DNM3: variants seen among roughly 807,000 people sequenced by gnomAD.
DNM3 encodes dynamin 3.
Under a neutral mutation model 101.6 loss-of-function variants are expected in DNM3, and 47 were observed. That is an observed-to-expected ratio of 0.46 (90% CI 0.37 to 0.59). DNM3 has a LOEUF of 0.59. DNM3 is among the 20% of genes least tolerant of loss of function. The pLI is 0.00. For synonymous variants in DNM3, 385 were observed against 387.9 expected, an observed-to-expected ratio of 0.99 and a Z score of 0.09; for missense variants, 849 against 1,085.7, an observed-to-expected ratio of 0.78 and a Z score of 3.06.
chr1:172,412,150 T>A lies in DNM3; in HGVS notation c.*4309T>A. ...TTGTCTTAAGACCTGTTCATACTGG[T>A]ATATTGGTGAGACTTCTCACTTCTG... On this transcript the variant is annotated 3_prime_UTR_variant, in exon 21 of 21. Transcript: ENST00000627582. 2.0e-6 allele frequency: 2 copies of A among 985,804 alleles called. No individual in the cohort carries two copies. The highest frequency in any genetic ancestry group is 2.4e-6 in the Non-Finnish European group (2 of 829,882). 61.1% of individuals were successfully genotyped at this position (985,804 alleles called of 1,614,324 possible). A position where few individuals can be genotyped will look rare whatever the true frequency, so the allele number is the denominator to read the frequency against.
At chr1:172,222,112 G>A (rs898834631) in intron 14 of DNM3, among the ~76,000 whole-genome samples, 1 of 152,082 alleles carries the variant, frequency 6.6e-6, no homozygotes, top group Non-Finnish European at 1.5e-5. Flanking sequence ...TTGAGCAACA[G>A]GATCTTTGTT....
intron 1 of DNM3, among the ~76,000 whole-genome samples, chr1:171,886,440 A>C (rs982012661): frequency 5.3e-5 from 8 of 152,168 alleles, no homozygotes. Flanking sequence ...GGAAAGTTTG[A>C]GGCAAAGGGA....
At chr1:172,158,801 A>G (rs2058439934) in intron 14 of DNM3, among the ~76,000 whole-genome samples, 1 of 152,112 alleles carries the variant, frequency 6.6e-6, no homozygotes. Flanking sequence ...ATACTTAAAA[A>G]AAGTGTTTAC....
chr1:172,061,942 G>A (rs1243654932), intron 10 of DNM3, among the ~76,000 whole-genome samples: 1 of 152,182 alleles, frequency 6.6e-6, no homozygotes, highest in Non-Finnish European at 1.5e-5. Flanking sequence ...TGCTTTGCAT[G>A]TAATACATGT....
chr1:172,136,132 G>C (rs1410315920), intron 14 of DNM3, among the ~76,000 whole-genome samples: 1 of 152,074 alleles, frequency 6.6e-6, no homozygotes, highest in Non-Finnish European at 1.5e-5. Context: ...ACATTCTTTG[G>C]ACTCTTAAGA....
chr1:172,008,515 G>A (rs1409685042), intron 4 of DNM3, among the ~76,000 whole-genome samples: 3 of 150,772 alleles, frequency 2.0e-5, no homozygotes, highest in African/African-American at 7.3e-5. Flanking sequence ...TTGGCTGTGC[G>A]TGGATTTATT....
intron 14 of DNM3, among the ~76,000 whole-genome samples, chr1:172,193,877 C>T (rs780769286): frequency 6.6e-6 from 1 of 152,040 alleles, no homozygotes; most frequent in Admixed American, 6.6e-5. Context: ...CTGCTCTGAT[C>T]TTAGTTATTT....
At chr1:172,043,866 G>A (rs1452313450) in intron 8 of DNM3, among the ~76,000 whole-genome samples, 1 of 152,156 alleles carries the variant, frequency 6.6e-6, no homozygotes, top group Admixed American at 6.5e-5. Flanking sequence ...GGTACCTAGC[G>A]CTTCTGAGAA....
intron 13 of DNM3, among the ~76,000 whole-genome samples, chr1:172,095,719 T>C (rs2054201353): frequency 6.6e-6 from 1 of 152,144 alleles, no homozygotes; most frequent in Admixed American, 6.5e-5. Flanking sequence ...TTGCAGAAGA[T>C]TGTTGTGCAG....
chr1:172,299,406 CTTTAT>C (rs965034155), intron 15 of DNM3, among the ~76,000 whole-genome samples: 9 of 152,154 alleles, frequency 5.9e-5, no homozygotes, highest in African/African-American at 2.2e-4. Flanking sequence ...TATCAACTTA[CTTTAT>C]TTTATATGTG....
chr1:172,085,914 C>G (rs16843816), intron 12 of DNM3, among the ~76,000 whole-genome samples: 7 of 151,978 alleles, frequency 4.6e-5, no homozygotes, highest in Admixed American at 2.6e-4. Flanking sequence ...GGAATCAAAA[C>G]TTAGGTATTG....
At chr1:171,864,808 T>C (rs1257695327) in intron 1 of DNM3, 1 of 152,168 alleles carries the variant, frequency 6.6e-6, no homozygotes, top group African/African-American at 2.4e-5. Context: ...ATGTTAGTAA[T>C]GCTTTAATTT....
intron 14 of DNM3, among the ~76,000 whole-genome samples, chr1:172,229,828 T>C (rs1485613395): frequency 6.6e-6 from 1 of 152,074 alleles, no homozygotes; most frequent in Admixed American, 6.6e-5. Flanking sequence ...GAGAAACTGG[T>C]GAGGAGAATG....
At chr1:172,315,946 C>A (rs12082686) in intron 16 of DNM3, among the ~76,000 whole-genome samples, 11,115 of 151,866 alleles carry the variant, frequency 0.073, 465 homozygotes, top group African/African-American at 0.1. Flanking sequence ...TCAGATTCAC[C>A]AAAGTTGAAA....
At chr1:172,161,171 A>G (rs2058532283) in intron 14 of DNM3, among the ~76,000 whole-genome samples, 1 of 149,986 alleles carries the variant, frequency 6.7e-6, no homozygotes, top group South Asian at 2.1e-4. Context: ...CGTGGTTTTC[A>G]CCTCCTATAT....
chr1:172,140,116 A>G (rs990380664), intron 14 of DNM3: 1 of 152,096 alleles, frequency 6.6e-6, no homozygotes, highest in Non-Finnish European at 1.5e-5. Flanking sequence ...CTGAGAAAAT[A>G]GCAAATAGAA....
intron 17 of DNM3, among the ~76,000 whole-genome samples, chr1:172,377,553 C>CATATATATATATATATATATATATAT (rs34612864): frequency 4.9e-4 from 61 of 123,414 alleles, no homozygotes; most frequent in Admixed American, 7.2e-4. Flanking sequence ...TGATATATAT[C>CATATATATATATATATATATATATAT]ATATATATAT....
chr1:171,983,584 A>C (rs954791874), intron 2 of DNM3, among the ~76,000 whole-genome samples: 2 of 152,092 alleles, frequency 1.3e-5, no homozygotes, highest in African/African-American at 2.4e-5. Flanking sequence ...TGGAAAACCC[A>C]GGGCCTGGTA....
At chr1:171,935,363 T>G (rs2041325440) in intron 2 of DNM3, among the ~76,000 whole-genome samples, 1 of 152,172 alleles carries the variant, frequency 6.6e-6, no homozygotes, top group Non-Finnish European at 1.5e-5. Context: ...TTCCAGGAAA[T>G]CACGTAGTAT....
Sources: allele counts gnomAD v4.1 joint callset (sites outside exome capture counted in the v4.1 genomes callset), GRCh38; gene constraint gnomAD v4.1.1; transcripts MANE v1.5; gene names NCBI Gene and HGNC (gene_info 2026-07-23, HGNC 2026-07-21).